Variants in SNTG1 observed in about 807,000 individuals in gnomAD.
The protein encoded by SNTG1 is gamma-1-syntrophin.
Under a neutral mutation model 74.7 loss-of-function variants are expected in SNTG1, and 39 were observed. The observed-to-expected ratio is 0.52, with a 90% CI of 0.40 to 0.68. The LOEUF (loss-of-function observed/expected upper bound fraction) is 0.68, where lower values mean the gene tolerates loss of function less well. Ranked by LOEUF, SNTG1 falls within the 30% of genes least tolerant of loss-of-function variation. The pLI, the probability that SNTG1 is intolerant of heterozygous loss-of-function variation, is 0.00. For missense variants in SNTG1, 685 were observed against 609.5 expected, an observed-to-expected ratio of 1.12 and a Z score of -1.30; for synonymous variants, 254 against 217.1, an observed-to-expected ratio of 1.17 and a Z score of -1.49.
At chr8:49,928,178 A>AATAC (rs1807212148) in intron 1 of SNTG1, among the ~76,000 whole-genome samples, 1 of 148,662 alleles carries the variant, frequency 6.7e-6, no homozygotes, top group Non-Finnish European at 1.5e-5. Flanking sequence ...TAAATAAATA[A>AATAC]ATAAAAATAA....
At chr8:50,780,086 G>T (rs1484951259) in intron 18 of SNTG1, among the ~76,000 whole-genome samples, 1 of 152,168 alleles carries the variant, frequency 6.6e-6, no homozygotes, top group East Asian at 1.9e-4. Flanking sequence ...TTTTTGATGT[G>T]CTGCTGGATT....
chr8:50,166,963 TC>T (rs1311711615), intron 1 of SNTG1, among the ~76,000 whole-genome samples: 4 of 147,722 alleles, frequency 2.7e-5, no homozygotes, highest in Middle Eastern at 3.4e-3. Context: ...TGAGTTCATG[TC>T]CTTTGTAGGG....
chr8:50,252,612 G>C (rs535244264), intron 2 of SNTG1, among the ~76,000 whole-genome samples: 2 of 152,282 alleles, frequency 1.3e-5, no homozygotes, highest in South Asian at 4.1e-4. Flanking sequence ...TGCTTCCATG[G>C]TGGAAGTTGA....
chr8:50,688,976 C>T (rs1317138966), intron 15 of SNTG1, among the ~76,000 whole-genome samples: 1 of 151,994 alleles, frequency 6.6e-6, no homozygotes, highest in Non-Finnish European at 1.5e-5. Context: ...CCTTCACATC[C>T]CTTGTAAATT....
intron 2 of SNTG1, among the ~76,000 whole-genome samples, chr8:50,246,221 G>A (rs2086391760): frequency 6.6e-6 from 1 of 151,402 alleles, no homozygotes; most frequent in Admixed American, 6.6e-5. Context: ...TTATTCTTTG[G>A]TAAGTTCCTA....
intron 2 of SNTG1, among the ~76,000 whole-genome samples, chr8:50,265,326 T>C (rs917430725): frequency 6.6e-6 from 1 of 152,112 alleles, no homozygotes; most frequent in Non-Finnish European, 1.5e-5. Flanking sequence ...TTTAACATTT[T>C]AAAATCAATA....
At chr8:50,428,451 A>G (rs1165398324) in intron 4 of SNTG1, among the ~76,000 whole-genome samples, 2 of 152,224 alleles carry the variant, frequency 1.3e-5, no homozygotes, top group Admixed American at 6.5e-5. Context: ...GGTTCTGTTT[A>G]TATTACAGAT....
At chr8:50,576,816 A>G (rs933406787) in intron 12 of SNTG1, among the ~76,000 whole-genome samples, 4 of 152,102 alleles carry the variant, frequency 2.6e-5, no homozygotes, top group Non-Finnish European at 5.9e-5. Flanking sequence ...CTGTAATCAG[A>G]TAGTTTTCTA....
At chr8:50,649,782 C>A (rs1442714728) in intron 13 of SNTG1, among the ~76,000 whole-genome samples, 1 of 151,678 alleles carries the variant, frequency 6.6e-6, no homozygotes, top group East Asian at 1.9e-4. Flanking sequence ...CTATTATTAT[C>A]TTATTTTTAA....
At chr8:49,938,596 TC>T (rs369602165) in intron 1 of SNTG1, among the ~76,000 whole-genome samples, 672 of 31,796 alleles carry the variant, frequency 0.021, 25 homozygotes, top group African/African-American at 0.06. Flanking sequence ...TCTTTTCTTT[TC>T]TTTTCTTTTC....
intron 2 of SNTG1, among the ~76,000 whole-genome samples, chr8:50,270,719 A>G (rs2087733296): frequency 6.6e-6 from 1 of 152,204 alleles, no homozygotes; most frequent in Non-Finnish European, 1.5e-5. Flanking sequence ...TTTTGAGTGC[A>G]TTATGAATGA....
intron 15 of SNTG1, among the ~76,000 whole-genome samples, chr8:50,661,999 A>G (rs563867288): frequency 6.6e-6 from 1 of 152,206 alleles, no homozygotes; most frequent in African/African-American, 2.4e-5. Context: ...ATGCTAATGG[A>G]TTATTTTCCT....
intron 18 of SNTG1, among the ~76,000 whole-genome samples, chr8:50,788,018 C>T (rs150590262): frequency 4.6e-5 from 7 of 151,922 alleles, no homozygotes; most frequent in Admixed American, 1.3e-4. Flanking sequence ...AAGGCTGCTG[C>T]AGAAAAAAGG....
intron 1 of SNTG1, among the ~76,000 whole-genome samples, chr8:50,156,250 G>A (rs575168018): frequency 2.0e-5 from 3 of 152,148 alleles, no homozygotes; most frequent in South Asian, 4.1e-4. Context: ...AATACAAGGA[G>A]AGGAAACATT....
intron 11 of SNTG1, among the ~76,000 whole-genome samples, chr8:50,547,666 A>C (rs2130546079): frequency 6.6e-6 from 1 of 152,252 alleles, no homozygotes; most frequent in African/African-American, 2.4e-5. Context: ...TATCTCTGGA[A>C]AACTGAACAA....
In SNTG1 at chr8:50,433,836, C is replaced by A. The variant is rs74816441; in HGVS notation, c.163-4707C>A. On this transcript the variant is annotated intron_variant, in intron 4 of 18. Transcript: ENST00000642720. ...AAAAAGTCGAGGGCATAGTTCTCTT[C>A]AATAAACAATTCTAAGTGCTATGAG... 4.2e-3 allele frequency among the ~76,000 whole-genome samples: 639 copies of A among 152,256 alleles called. 4 individuals carry two copies. Among genetic ancestry groups the A allele is most frequent in the African/African-American group, 0.015 (607 of 41,550 alleles).
At chr8:50,699,400 G>T (rs1222084803) in intron 15 of SNTG1, among the ~76,000 whole-genome samples, 1 of 151,992 alleles carries the variant, frequency 6.6e-6, no homozygotes, top group Admixed American at 6.6e-5. Context: ...TGAGTTTGGG[G>T]TCCCAATATT....
intron 1 of SNTG1, among the ~76,000 whole-genome samples, chr8:49,991,039 G>T (rs1167339254): frequency 6.6e-6 from 1 of 152,100 alleles, no homozygotes; most frequent in East Asian, 1.9e-4. Context: ...GGCAAATTAT[G>T]TATCTGATGA....
rs80238025 is a variant in SNTG1 at position 49,933,239 on chromosome 8, C to T, written c.-103+21008C>T. 2.0e-3 allele frequency among the ~76,000 whole-genome samples: 299 copies of T among 152,190 alleles called. 4 individuals carry two copies. The highest frequency in any genetic ancestry group is 6.8e-3 in the Middle Eastern group (2 of 294). On this transcript the variant is annotated intron_variant, in intron 1 of 18. Coordinates refer to ENST00000642720, the MANE Select transcript of SNTG1 (RefSeq NM_018967.5). ...TCCCACCAACAATTCATGAAGTTTC[C>T]GATTTTTCCTCATCCTCGCCAATGC...
Sources: allele counts gnomAD v4.1 joint callset (sites outside exome capture counted in the v4.1 genomes callset), GRCh38; gene constraint gnomAD v4.1.1; transcripts MANE v1.5; gene names NCBI Gene and HGNC (gene_info 2026-07-23, HGNC 2026-07-21).